CELSR1: variants seen among roughly 807,000 people sequenced by gnomAD.
The protein encoded by CELSR1 is cadherin EGF LAG seven-pass G-type receptor 1, also known as adhesion G protein-coupled receptor C1.
A neutral mutation model predicts 249.1 loss-of-function variants in CELSR1; 110 were observed. The ratio of observed to expected loss-of-function variants is 0.44; its 90% CI spans 0.38 to 0.52. The LOEUF (loss-of-function observed/expected upper bound fraction) is 0.52. Among genes scored for constraint, CELSR1 ranks in the 20% least tolerant of loss-of-function variants. The pLI is 0.00. For missense variants in CELSR1, 4,109 were observed against 4,296.4 expected (o/e 0.96, Z 1.22); for synonymous variants, 2,113 against 1,900.0 (o/e 1.11, Z -2.92).
At chr22:46,525,449 C>CAA (rs10585540) in intron 1 of CELSR1, among the ~76,000 whole-genome samples, 3,983 of 146,290 alleles carry the variant, frequency 0.027, 153 homozygotes, top group South Asian at 0.091. Flanking sequence ...AACTCTGTCT[C>CAA]AAAAAAAAAA....
At chr22:46,443,969 G>T (rs1051541593) in intron 2 of CELSR1, among the ~76,000 whole-genome samples, 2 of 152,242 alleles carry the variant, frequency 1.3e-5, no homozygotes, top group African/African-American at 4.8e-5. Flanking sequence ...AAAGCCACCG[G>T]GAGAGGCTGG....
intron 14 of CELSR1, 127 bp downstream of exon 14, chr22:46,394,015 A>ACAGGTGTGTGTG: frequency 8.0e-7 from 1 of 1,256,120 alleles, no homozygotes; most frequent in South Asian, 1.5e-5. Flanking sequence ...GTGAGTGGGC[A>ACAGGTGTGTGTG]CAGGTGTGTG....
In CELSR1 at chr22:46,365,347, A is replaced by C. The variant is rs1383546317; in HGVS notation, c.8438T>G (p.Leu2813Arg). Residue 2813 changes from leucine to arginine, a missense_variant, in exon 32 of 35, where the codon CTG (leucine) becomes CGG (arginine). Transcript: ENST00000674500. ...GGCGTAAGAGCTGCTCTGCTCATCC[A>C]GGGACAGCTCGCTATCTGAGTCGGA... Reference protein sequence around the residue: ...HDSDSDSELSLDEQSSSYASS... With the variant: ...HDSDSDSELSRDEQSSSYASS... 1.2e-6 allele frequency: 2 copies of C among 1,612,922 alleles called. No homozygotes were observed.
chr22:46,418,229 C>G (rs879584135), intron 5 of CELSR1, among the ~76,000 whole-genome samples: 3 of 152,172 alleles, frequency 2.0e-5, no homozygotes, highest in Non-Finnish European at 2.9e-5. Context: ...GCCTGTAATC[C>G]CAGCACTTTG....
At chr22:46,532,285 T>A (rs1179621786) in intron 1 of CELSR1, among the ~76,000 whole-genome samples, 2 of 152,242 alleles carry the variant, frequency 1.3e-5, no homozygotes, top group African/African-American at 4.8e-5. Flanking sequence ...CCTAAGAATA[T>A]CCATAACCCC....
At chr22:46,457,489 G>A (rs2079970092) in intron 2 of CELSR1, among the ~76,000 whole-genome samples, 1 of 152,220 alleles carries the variant, frequency 6.6e-6, no homozygotes, top group Non-Finnish European at 1.5e-5. Flanking sequence ...GACATGAGGT[G>A]AGTGAAAGTG....
chr22:46,425,066 AG>A (rs1207464678), intron 5 of CELSR1, among the ~76,000 whole-genome samples: 11 of 152,368 alleles, frequency 7.2e-5, no homozygotes, highest in African/African-American at 2.4e-4. Flanking sequence ...CAGAGTGAGA[AG>A]TTGTTTGGTG....
At chr22:46,418,008 G>A (rs189856174) in intron 5 of CELSR1, among the ~76,000 whole-genome samples, 1 of 152,344 alleles carries the variant, frequency 6.6e-6, no homozygotes, top group Non-Finnish European at 1.5e-5. Flanking sequence ...CCAGGACTTG[G>A]CTGTACAACT....
At position 46,380,356 on chromosome 22, in the gene CELSR1, C is replaced by T. The variant is rs762353600; in HGVS notation, c.7256+432G>A. On this transcript the variant is annotated intron_variant, in intron 22 of 34. Coordinates refer to ENST00000674500, the MANE Select transcript of CELSR1 (RefSeq NM_001378328.1). The surrounding 1 kb of genome is among the most constrained non-coding windows in gnomAD (Gnocchi z 5.1). ...CCACAGCTAGACTGTGTCAGCCTCT[C>T]GGGCAAGACCGTCAGCAGATGGGCT... Among the ~76,000 whole-genome samples, 3 of 152,132 alleles carry T rather than the reference C, an allele frequency of 2.0e-5. No individual in the cohort carries two copies. The highest frequency in any genetic ancestry group is 2.9e-5 in the Non-Finnish European group (2 of 68,014).
At chr22:46,477,271 G>T (rs1279338450) in intron 1 of CELSR1, among the ~76,000 whole-genome samples, 1 of 152,142 alleles carries the variant, frequency 6.6e-6, no homozygotes, top group Non-Finnish European at 1.5e-5. Context: ...AGGCCCACCC[G>T]CCACAGTGAA....
chr22:46,373,241 C>T (rs1422369369), intron 24 of CELSR1, among the ~76,000 whole-genome samples, 184 bp from the exon 25 acceptor site: 2 of 152,172 alleles, frequency 1.3e-5, no homozygotes, highest in African/African-American at 4.8e-5. Context: ...TCAACATCCA[C>T]GGAGCAGCTG....
intron 5 of CELSR1, among the ~76,000 whole-genome samples, chr22:46,432,871 C>T (rs1374634198): frequency 6.6e-6 from 1 of 152,168 alleles, no homozygotes; most frequent in Non-Finnish European, 1.5e-5. Flanking sequence ...CGACCCAGAG[C>T]TCTGGGTGGG....
chr22:46,472,431 C>G lies in CELSR1; in HGVS notation c.3545-8086G>C, dbSNP rs1392549649. On this transcript the variant is annotated intron_variant, in intron 1 of 34. Coordinates refer to ENST00000674500, the MANE Select transcript of CELSR1 (RefSeq NM_001378328.1). The surrounding 1 kb of genome is among the most constrained non-coding windows in gnomAD (Gnocchi z 7.0). ...GGGGACAGGGGACAGTGCCGCAGTT[C>G]CGAGACTCGGTGGCAGGTGATTGGC... Among the ~76,000 whole-genome samples the G allele has an allele frequency of 1.3e-5, 2 of 152,112 alleles. No homozygotes were observed. The highest frequency in any genetic ancestry group is 2.9e-5 in the Non-Finnish European group (2 of 68,034).
In CELSR1 at chr22:46,393,734, T is replaced by C. The variant is rs913239312; in HGVS notation, c.5964+408A>G. 1.5e-5 allele frequency among the ~76,000 whole-genome samples: 2 copies of C among 136,686 alleles called. No homozygotes were observed. Among genetic ancestry groups the C allele is most frequent in the African/African-American group, 2.8e-5 (1 of 36,038 alleles). The allele number at this position is 136,686 out of a possible 152,430, so 89.7% of individuals were successfully genotyped here. A position where few individuals can be genotyped will look rare whatever the true frequency, so the allele number is the denominator to read the frequency against. ...GCCTGGGCGACACAGCGAGACTCTG[T>C]CTCAAAAAAAAAAAAAAAAAGACCA... On this transcript the variant is annotated intron_variant, in intron 14 of 34. Transcript: ENST00000674500. This position sits in a 1 kb window ranked among gnomAD's most constrained non-coding sequence, Gnocchi z 4.1.
Position 46,535,452 on chromosome 22 carries a change from C to G in CELSR1, c.1719G>C (p.Thr573=). ...PIFVSSPFQA[T]VLENVPLGYP... is the part of the protein sequence containing the mutation. The stretch of plus-strand genomic sequence containing the variant: ...AGCCCAGGGGCACATTCTCCAGCAC[C>G]GTGGCCTGGAAGGGGCTGCTCACAA... Residue 573 remains threonine, a synonymous_variant, in exon 1 of 35, where the codon ACG becomes ACC. Transcript: ENST00000674500. The G allele has an allele frequency of 1.2e-6, 2 of 1,609,384 alleles. No homozygotes were observed. The highest frequency in any genetic ancestry group is 1.1e-5 in the South Asian group (1 of 90,452).
At chr22:46,378,925 ACC>A (rs2078948493) in intron 22 of CELSR1, among the ~76,000 whole-genome samples, 2 of 152,188 alleles carry the variant, frequency 1.3e-5, no homozygotes, top group Admixed American at 6.5e-5. Flanking sequence ...GACAAGAGCC[ACC>A]TGGCTGTAAG....
In CELSR1 at chr22:46,407,050, G is replaced by A. The variant is rs1396531280; in HGVS notation, c.5226+1946C>T. Among the ~76,000 whole-genome samples, 1 of 152,214 alleles carries A rather than the reference G, an allele frequency of 6.6e-6. No homozygotes were observed. The highest frequency in any genetic ancestry group is 1.5e-5 in the Non-Finnish European group (1 of 68,034). Reference sequence around the variant, plus strand: ...GAGAACAGGGTGAGTGTTCCCGTGTGGCCGACCCCAAGGCAGGAGAGGAGG... The same window carrying A: ...GAGAACAGGGTGAGTGTTCCCGTGTAGCCGACCCCAAGGCAGGAGAGGAGG... On this transcript the variant is annotated intron_variant, in intron 9 of 34. Transcript: ENST00000674500. This position sits in a 1 kb window ranked among gnomAD's most constrained non-coding sequence, Gnocchi z 4.8.
At chr22:46,385,674 ATTTTT>A (rs747955777) in intron 19 of CELSR1, among the ~76,000 whole-genome samples, 11 of 132,230 alleles carry the variant, frequency 8.3e-5, no homozygotes, top group African/African-American at 2.3e-4. Flanking sequence ...CCTGCCGAAT[ATTTTT>A]TTTTTTTTTT....
intron 20 of CELSR1, among the ~76,000 whole-genome samples, chr22:46,384,165 A>G (rs1199799232): frequency 1.3e-5 from 2 of 150,574 alleles, no homozygotes; most frequent in Admixed American, 1.3e-4. Context: ...CGAACTCCTG[A>G]CCTCAGGTGA....
Sources: allele counts gnomAD v4.1 joint callset (sites outside exome capture counted in the v4.1 genomes callset), GRCh38; gene constraint gnomAD v4.1.1; non-coding constraint Gnocchi (gnomAD v3.1); transcripts MANE v1.5; gene names NCBI Gene and HGNC (gene_info 2026-07-23, HGNC 2026-07-21).